PTPRD: variants seen among roughly 807,000 people sequenced by gnomAD.
PTPRD encodes the protein protein tyrosine phosphatase receptor type D.
In PTPRD, 34 loss-of-function variants were observed where a neutral mutation model predicts 214.5. The observed-to-expected ratio is 0.16, with a 90% CI of 0.12 to 0.21. PTPRD has a LOEUF of 0.21. Ranked by LOEUF, PTPRD falls within the 10% of genes least tolerant of loss-of-function variation. The pLI is 1.00. For missense variants in PTPRD, 2,545 were observed against 2,398.7 expected (o/e 1.06, Z -1.27); for synonymous variants, 1,128 against 845.7 (o/e 1.33, Z -5.79).
intron 35 of PTPRD, among the ~76,000 whole-genome samples, chr9:8,422,047 G>A (rs921310874): frequency 6.8e-6 from 1 of 146,130 alleles, no homozygotes; most frequent in Non-Finnish European, 1.5e-5. Context: ...TTGGGAGGCT[G>A]AGATGGGAGG....
At chr9:8,977,006 C>T (rs1256118509) in intron 11 of PTPRD, among the ~76,000 whole-genome samples, 3 of 152,118 alleles carry the variant, frequency 2.0e-5, no homozygotes, top group African/African-American at 7.2e-5. Context: ...AAAGAGCCAT[C>T]CAAAAATGAA....
chr9:10,357,151 A>T (rs2097294575), intron 2 of PTPRD, among the ~76,000 whole-genome samples: 1 of 152,176 alleles, frequency 6.6e-6, no homozygotes, highest in African/African-American at 2.4e-5. Flanking sequence ...AATATAACAG[A>T]AACATAAATC....
intron 11 of PTPRD, among the ~76,000 whole-genome samples, chr9:8,876,932 C>CTT (rs201951280): frequency 4.0e-5 from 6 of 149,970 alleles, no homozygotes; most frequent in Non-Finnish European, 7.4e-5. Flanking sequence ...TTTTCTTTTT[C>CTT]TTTATTTTTT....
intron 4 of PTPRD, among the ~76,000 whole-genome samples, chr9:10,018,814 G>A (rs2096782708): frequency 6.6e-6 from 1 of 151,910 alleles, no homozygotes; most frequent in African/African-American, 2.4e-5. Context: ...CTCCCAAAGT[G>A]CTGGGATTAC....
At chr9:9,930,872 C>G (rs2153924357) in intron 5 of PTPRD, among the ~76,000 whole-genome samples, 1 of 151,740 alleles carries the variant, frequency 6.6e-6, no homozygotes, top group African/African-American at 2.4e-5. Flanking sequence ...CCTTGAAGTC[C>G]CTACTCAAAT....
intron 9 of PTPRD, among the ~76,000 whole-genome samples, chr9:9,328,617 GCTTTTTTTTTTTTT>G (rs2041034535): frequency 2.9e-5 from 1 of 33,926 alleles, no homozygotes; most frequent in Admixed American, 3.0e-4. Flanking sequence ...TGTTGTTCTT[GCTTTTTTTTTTTTT>G]TTTTTTTTTT....
intron 3 of PTPRD, among the ~76,000 whole-genome samples, chr9:10,153,968 A>C (rs1483452558): frequency 6.6e-6 from 1 of 152,092 alleles, no homozygotes; most frequent in Non-Finnish European, 1.5e-5. Context: ...TATTTTTATG[A>C]TAGAATGATT....
intron 9 of PTPRD, among the ~76,000 whole-genome samples, chr9:9,367,210 G>A (rs897530544): frequency 6.6e-6 from 1 of 151,270 alleles, no homozygotes; most frequent in Non-Finnish European, 1.5e-5. Context: ...TTTCTACAAG[G>A]GAGAACTAGA....
intron 8 of PTPRD, among the ~76,000 whole-genome samples, chr9:9,449,954 G>C (rs1437122593): frequency 3.3e-5 from 5 of 151,750 alleles, no homozygotes; most frequent in African/African-American, 1.2e-4. Context: ...ACATATCTTA[G>C]CTCCCACTTA....
chr9:10,469,837 T>G (rs990792534), intron 2 of PTPRD, among the ~76,000 whole-genome samples: 3 of 151,782 alleles, frequency 2.0e-5, no homozygotes, highest in African/African-American at 7.3e-5. Context: ...GAAACTAAAA[T>G]CCTGACATTT....
rs149575952 is a variant in PTPRD at position 9,576,752 on chromosome 9, A to G, written c.-286-1971T>C. On this transcript the variant is annotated intron_variant, in intron 7 of 45. Transcript: ENST00000381196. ...TAATTGTTATTACTATTTTATTACT[A>G]AAAGTTTAAAGTCAAGCTTTAAGGT... Among the ~76,000 whole-genome samples the G allele has an allele frequency of 9.3e-3, 1,411 of 152,300 alleles. 24 individuals carry two copies. Among genetic ancestry groups the G allele is most frequent in the African/African-American group, 0.031 (1,308 of 41,572 alleles).
At chr9:8,585,875 G>A (rs1240134025) in intron 14 of PTPRD, among the ~76,000 whole-genome samples, 1 of 152,164 alleles carries the variant, frequency 6.6e-6, no homozygotes, top group East Asian at 1.9e-4. Context: ...CATTGTTATG[G>A]AGTCAGTCAT....
chr9:8,790,141 T>G lies in PTPRD; in HGVS notation c.-103-56195A>C, dbSNP rs546195567. Among the ~76,000 whole-genome samples the G allele has an allele frequency of 1.6e-4, 24 of 152,102 alleles. No homozygotes were observed. The South Asian group carries it at 5.0e-3, about 32-fold the overall frequency. On this transcript the variant is annotated intron_variant, in intron 11 of 45. Transcript: ENST00000381196. ...AAGCAATCCTCCCGCCTTGGCCTCC[T>G]GAATAGCTGGGACTACAGGCACGCA...
intron 3 of PTPRD, among the ~76,000 whole-genome samples, chr9:10,081,137 G>A (rs2154189178): frequency 6.6e-6 from 1 of 151,904 alleles, no homozygotes; most frequent in East Asian, 1.9e-4. Context: ...AAATAAGCAT[G>A]CTTCTAGATA....
At chr9:10,389,573 A>G (rs1402082846) in intron 2 of PTPRD, among the ~76,000 whole-genome samples, 3 of 151,814 alleles carry the variant, frequency 2.0e-5, no homozygotes, top group African/African-American at 7.2e-5. Context: ...ATTCATATAC[A>G]TTATTTTGTG....
At chr9:9,240,764 T>A (rs2099969980) in intron 9 of PTPRD, among the ~76,000 whole-genome samples, 1 of 152,200 alleles carries the variant, frequency 6.6e-6, no homozygotes, top group South Asian at 2.1e-4. Flanking sequence ...TCTATACTTC[T>A]AATATAATTT....
intron 11 of PTPRD, among the ~76,000 whole-genome samples, chr9:8,829,622 G>A (rs1047345635): frequency 1.3e-5 from 2 of 152,166 alleles, no homozygotes; most frequent in Non-Finnish European, 2.9e-5. Flanking sequence ...CACACAGGTT[G>A]TTGTCCAGCA....
At chr9:8,837,988 T>G (rs2097472642) in intron 11 of PTPRD, among the ~76,000 whole-genome samples, 1 of 152,124 alleles carries the variant, frequency 6.6e-6, no homozygotes, top group Admixed American at 6.5e-5. Context: ...AAATATGAAT[T>G]AAGGCTTCTT....
Position 9,939,685 on chromosome 9 carries a change from G to A in PTPRD, c.-471-1075C>T, listed in dbSNP as rs145513891. 1.3e-3 allele frequency among the ~76,000 whole-genome samples: 194 copies of A among 152,252 alleles called. 1 individual carries two copies. The highest frequency in any genetic ancestry group is 4.2e-3 in the African/African-American group (176 of 41,552). On this transcript the variant is annotated intron_variant, in intron 4 of 45. Coordinates refer to ENST00000381196, the MANE Select transcript of PTPRD (RefSeq NM_002839.4). ...CTGTGAATGAATCATGTGGCTCCCTGTATTTTGGTAAATGCAGTGAAATCT... is the reference window on the plus strand; with the variant it reads ...CTGTGAATGAATCATGTGGCTCCCTATATTTTGGTAAATGCAGTGAAATCT...
Sources: gnomAD v4.1 joint callset for allele counts (sites outside exome capture counted in the v4.1 genomes callset) on GRCh38, gnomAD v4.1.1 for gene constraint, MANE v1.5 for transcripts, NCBI Gene and HGNC (gene_info 2026-07-23, HGNC 2026-07-21) for gene names.